Variants in CNTN4 observed in about 807,000 individuals in gnomAD.
CNTN4 encodes contactin 4, also known as contactin-4.
Under a neutral mutation model 122.5 loss-of-function variants are expected in CNTN4, and 77 were observed. The ratio of observed to expected loss-of-function variants is 0.63; its 90% CI spans 0.52 to 0.76. The LOEUF (loss-of-function observed/expected upper bound fraction) is 0.76. Among genes scored for constraint, CNTN4 ranks in the 30% least tolerant of loss-of-function variants. The probability of loss-of-function intolerance (pLI) is 0.00; values close to 1 mark genes in which losing one functional copy is unlikely to be tolerated. For missense variants in CNTN4, 1,256 were observed against 1,259.1 expected, an observed-to-expected ratio of 1.00 and a Z score of 0.04; for synonymous variants, 512 against 447.0, an observed-to-expected ratio of 1.15 and a Z score of -1.83.
chr3:2,908,339 G>T (rs567850329), intron 12 of CNTN4, among the ~76,000 whole-genome samples: 1 of 152,342 alleles, frequency 6.6e-6, no homozygotes, highest in Non-Finnish European at 1.5e-5. Flanking sequence ...GATGGGGACT[G>T]CTGATTAAAT....
intron 14 of CNTN4, among the ~76,000 whole-genome samples, chr3:3,019,804 G>GTA (rs1491340058): frequency 2.2e-5 from 2 of 92,658 alleles, no homozygotes; most frequent in Non-Finnish European, 4.3e-5. Context: ...ATATACACAT[G>GTA]CATATATATA....
chr3:2,258,842 AG>A (rs941999878), intron 2 of CNTN4, among the ~76,000 whole-genome samples: 11 of 152,086 alleles, frequency 7.2e-5, no homozygotes, highest in Non-Finnish European at 2.9e-5. Flanking sequence ...TTGAAATGTA[AG>A]ATTTATGAGG....
intron 3 of CNTN4, among the ~76,000 whole-genome samples, chr3:2,520,797 C>G (rs762585160): frequency 1.3e-5 from 2 of 152,024 alleles, no homozygotes; most frequent in Non-Finnish European, 2.9e-5. Flanking sequence ...AGTCATTTTT[C>G]TTGCGTACCT....
At chr3:2,712,541 C>T (rs1013869040) in intron 4 of CNTN4, among the ~76,000 whole-genome samples, 82 of 152,282 alleles carry the variant, frequency 5.4e-4, no homozygotes, top group African/African-American at 1.7e-3. Context: ...CTGAAGCCTA[C>T]AGAAATGAAG....
chr3:2,790,767 A>G (rs1439710490), intron 6 of CNTN4, among the ~76,000 whole-genome samples: 1 of 151,996 alleles, frequency 6.6e-6, no homozygotes, highest in African/African-American at 2.4e-5. Flanking sequence ...TTTTTCTGCC[A>G]TTCATAACTT....
chr3:2,562,881 G>T (rs1469877879), intron 3 of CNTN4, among the ~76,000 whole-genome samples: 1 of 151,758 alleles, frequency 6.6e-6, no homozygotes, highest in African/African-American at 2.4e-5. Flanking sequence ...GAGCCACCAC[G>T]GCTGGCTAAC....
At chr3:2,780,856 C>G (rs535543139) in intron 6 of CNTN4, among the ~76,000 whole-genome samples, 29 of 152,306 alleles carry the variant, frequency 1.9e-4, no homozygotes, top group African/African-American at 6.5e-4. Context: ...TTTAGCATCC[C>G]TGCATTATAC....
intron 3 of CNTN4, among the ~76,000 whole-genome samples, chr3:2,421,251 C>CT (rs34208393): frequency 0.9 from 122,909 of 136,868 alleles, 55,230 homozygotes; most frequent in South Asian, 0.95. Flanking sequence ...CAGGGGGTTT[C>CT]TTTTTTTTTT....
At chr3:2,629,353 C>T (rs899397139) in intron 4 of CNTN4, among the ~76,000 whole-genome samples, 14 of 152,188 alleles carry the variant, frequency 9.2e-5, no homozygotes, top group African/African-American at 3.4e-4. Flanking sequence ...GTTTCAGCAA[C>T]CCACTAGCTG....
chr3:2,795,008 G>T (rs2092126718), intron 6 of CNTN4, among the ~76,000 whole-genome samples: 1 of 151,956 alleles, frequency 6.6e-6, no homozygotes, highest in South Asian at 2.1e-4. Context: ...AATTTGAGGG[G>T]TGGGGTGGGG....
intron 4 of CNTN4, among the ~76,000 whole-genome samples, chr3:2,666,116 A>G (rs2084146207): frequency 6.6e-6 from 1 of 152,250 alleles, no homozygotes; most frequent in Non-Finnish European, 1.5e-5. Context: ...AGCTAGCAAT[A>G]GAACAAATTC....
intron 3 of CNTN4, among the ~76,000 whole-genome samples, chr3:2,542,836 G>T (rs2078087672): frequency 6.6e-6 from 1 of 152,078 alleles, no homozygotes; most frequent in South Asian, 2.1e-4. Context: ...TCCATATTCA[G>T]TAAGGGGACT....
rs1327626853 is a variant in CNTN4, at chr3:2,943,603, TAAA to T, written c.1358+17825_1358+17827del. Among the ~76,000 whole-genome samples the T allele has an allele frequency of 3.0e-3, 421 of 140,756 alleles. 2 individuals are homozygous for T. The highest frequency in any genetic ancestry group is 5.1e-3 in the Non-Finnish European group (335 of 65,834). The allele number at this position is 140,756 out of a possible 152,430, so 92.3% of individuals were successfully genotyped here. A position where few individuals can be genotyped will look rare whatever the true frequency, so the allele number is the denominator to read the frequency against. On this transcript the variant is annotated intron_variant, in intron 13 of 24. Coordinates refer to ENST00000418658, the MANE Select transcript of CNTN4 (RefSeq NM_175607.3). ...GACTCCTAGGTAATATATAAATATA[TAAA>T]TATATTTATATATATATATATATAT... is the stretch of plus-strand genomic sequence containing the variant.
At chr3:3,046,343 G>A (rs7430292) in intron 23 of CNTN4, among the ~76,000 whole-genome samples, 30,712 of 151,996 alleles carry the variant, frequency 0.2, 3,297 homozygotes, top group Middle Eastern at 0.24. Flanking sequence ...CACCAAAGTC[G>A]AAATGAAGGA....
chr3:2,664,737 G>A (rs1248796033), intron 4 of CNTN4, among the ~76,000 whole-genome samples: 2 of 152,090 alleles, frequency 1.3e-5, no homozygotes, highest in Non-Finnish European at 2.9e-5. Context: ...ACATTATTTA[G>A]TAACCAGCTT....
chr3:2,900,133 G>A (rs1353016587), intron 10 of CNTN4, among the ~76,000 whole-genome samples: 2 of 152,178 alleles, frequency 1.3e-5, no homozygotes, highest in South Asian at 2.1e-4. Context: ...TTCCATGTCT[G>A]CACCCAAGGC....
rs1371046119 is a variant in CNTN4, at chr3:2,709,539, T to C, written c.56-26676T>C. On this transcript the variant is annotated intron_variant, in intron 4 of 24. Transcript: ENST00000418658. The surrounding 1 kb of genome is among the most constrained non-coding windows in gnomAD (Gnocchi z 5.0). ...CTCAGGCTAAAGATTTATGCCAGAC[T>C]TCTAGACCAGTCTCCTTTCCAATTC... Among the ~76,000 whole-genome samples the C allele has an allele frequency of 1.3e-5, 2 of 152,210 alleles. No individual in the cohort carries two copies. Among genetic ancestry groups the C allele is most frequent in the Non-Finnish European group, 2.9e-5 (2 of 68,036 alleles).
At chr3:2,265,635 C>G (rs966158992) in intron 2 of CNTN4, among the ~76,000 whole-genome samples, 3 of 151,964 alleles carry the variant, frequency 2.0e-5, no homozygotes, top group African/African-American at 7.2e-5. Context: ...GGATTGCAAT[C>G]AGTCTATAGA....
intron 12 of CNTN4, among the ~76,000 whole-genome samples, chr3:2,913,805 G>C (rs1164649451): frequency 6.6e-6 from 1 of 152,060 alleles, no homozygotes; most frequent in Non-Finnish European, 1.5e-5. Context: ...TAGGCCAGTT[G>C]GACCTAACAA....
Sources: allele counts gnomAD v4.1 joint callset (sites outside exome capture counted in the v4.1 genomes callset), GRCh38; gene constraint gnomAD v4.1.1; non-coding constraint Gnocchi (gnomAD v3.1); transcripts MANE v1.5; gene names NCBI Gene and HGNC (gene_info 2026-07-23, HGNC 2026-07-21).